DLGAP2: variants seen among roughly 807,000 people sequenced by gnomAD.
DLGAP2 encodes the protein DLG associated protein 2, also known as disks large-associated protein 2.
DLGAP2 carries 26 observed loss-of-function variants against 100.3 expected under a neutral mutation model. The observed-to-expected ratio is 0.26, with a 90% CI of 0.19 to 0.36. The LOEUF is 0.36. Among genes scored for constraint, DLGAP2 ranks in the 10% least tolerant of loss-of-function variants. The pLI, the probability that DLGAP2 is intolerant of heterozygous loss-of-function variation, is 1.00. For missense variants in DLGAP2, 1,858 were observed against 1,453.2 expected, an observed-to-expected ratio of 1.28 and a Z score of -4.53; for synonymous variants, 886 against 630.1, an observed-to-expected ratio of 1.41 and a Z score of -6.08.
intron 1 of DLGAP2, among the ~76,000 whole-genome samples, chr8:769,689 G>C (rs558744484): frequency 6.6e-6 from 1 of 152,238 alleles, no homozygotes; most frequent in East Asian, 1.9e-4. Flanking sequence ...ACGGTAGCTT[G>C]GGTTAGGGGC....
intron 3 of DLGAP2, among the ~76,000 whole-genome samples, chr8:1,417,880 A>G (rs540930817): frequency 3.3e-5 from 5 of 152,244 alleles, no homozygotes; most frequent in Non-Finnish European, 5.9e-5. Context: ...TCACAACACA[A>G]AAGTGCAGTT....
chr8:1,416,976 A>G (rs4297058), intron 3 of DLGAP2, among the ~76,000 whole-genome samples: 1 of 152,012 alleles, frequency 6.6e-6, no homozygotes, highest in Non-Finnish European at 1.5e-5. Context: ...CGGCTGTGGC[A>G]TTGAGACTCA....
intron 4 of DLGAP2, among the ~76,000 whole-genome samples, chr8:1,528,724 C>T (rs11136404): frequency 0.15 from 22,498 of 152,084 alleles, 1,794 homozygotes; most frequent in Non-Finnish European, 0.16. Context: ...CAGGCCCTGG[C>T]AGTAAGGAGC....
At chr8:1,523,621 G>T (rs1459066891) in intron 4 of DLGAP2, among the ~76,000 whole-genome samples, 1 of 152,334 alleles carries the variant, frequency 6.6e-6, no homozygotes, top group Non-Finnish European at 1.5e-5. Flanking sequence ...CTCTGGATCT[G>T]CAGGGCAGGG....
intron 2 of DLGAP2, among the ~76,000 whole-genome samples, chr8:966,712 G>A (rs1799880847): frequency 6.6e-6 from 1 of 152,090 alleles, no homozygotes; most frequent in South Asian, 2.1e-4. Flanking sequence ...TTTTACATCT[G>A]GGTTTATTCA....
At chr8:1,663,360 A>C (rs1798462554) in intron 8 of DLGAP2, among the ~76,000 whole-genome samples, 1 of 152,054 alleles carries the variant, frequency 6.6e-6, no homozygotes, top group African/African-American at 2.4e-5. Flanking sequence ...GGAGTCGGCC[A>C]GTGCTGTTTG....
chr8:869,495 CTCTT>C (rs1797558265), intron 1 of DLGAP2, among the ~76,000 whole-genome samples: 1 of 152,178 alleles, frequency 6.6e-6, no homozygotes, highest in African/African-American at 2.4e-5. Flanking sequence ...AAATAGACGT[CTCTT>C]TATTTTACTC....
At chr8:1,048,111 G>A (rs1281281894) in intron 2 of DLGAP2, among the ~76,000 whole-genome samples, 1 of 152,164 alleles carries the variant, frequency 6.6e-6, no homozygotes, top group African/African-American at 2.4e-5. Flanking sequence ...CCTTGTGAGA[G>A]TTGTTCAACT....
intron 2 of DLGAP2, among the ~76,000 whole-genome samples, chr8:1,037,494 C>T (rs1802167883): frequency 6.6e-6 from 1 of 152,118 alleles, no homozygotes; most frequent in Admixed American, 6.5e-5. Flanking sequence ...GGCAGTGCTG[C>T]CTTCACCTGT....
At chr8:1,219,886 T>A (rs1798283739) in intron 2 of DLGAP2, among the ~76,000 whole-genome samples, 1 of 152,124 alleles carries the variant, frequency 6.6e-6, no homozygotes, top group South Asian at 2.1e-4. Context: ...CTAGGTTTTT[T>A]AGTTTGTGTG....
At chr8:1,222,387 C>T (rs1413950337) in intron 2 of DLGAP2, among the ~76,000 whole-genome samples, 1 of 152,172 alleles carries the variant, frequency 6.6e-6, no homozygotes, top group African/African-American at 2.4e-5. Flanking sequence ...CATGCTCTAA[C>T]CCTGGGGGGC....
chr8:1,214,936 A>C (rs973321565), intron 2 of DLGAP2, among the ~76,000 whole-genome samples: 2 of 152,242 alleles, frequency 1.3e-5, no homozygotes, highest in Admixed American at 6.5e-5. Flanking sequence ...GCTGAAACAC[A>C]CTAGAACATG....
chr8:899,522 T>G (rs1351547290), intron 1 of DLGAP2, among the ~76,000 whole-genome samples: 1 of 152,234 alleles, frequency 6.6e-6, no homozygotes, highest in Non-Finnish European at 1.5e-5. Context: ...CTGGCCTCTC[T>G]GGCTGTGTGT....
intron 2 of DLGAP2, among the ~76,000 whole-genome samples, chr8:965,886 TCAC>T (rs1275335924): frequency 6.6e-6 from 1 of 152,084 alleles, no homozygotes; most frequent in Non-Finnish European, 1.5e-5. Flanking sequence ...ACAGCGCTGT[TCAC>T]CACCGCATGT....
intron 1 of DLGAP2, among the ~76,000 whole-genome samples, chr8:763,057 G>A (rs1237767790): frequency 4.6e-5 from 7 of 151,850 alleles, no homozygotes; most frequent in Admixed American, 2.6e-4. Context: ...TATTCAAAGA[G>A]GGATTGGAGA....
chr8:1,575,465 T>G (rs1563231236), intron 6 of DLGAP2, among the ~76,000 whole-genome samples: 1 of 148,102 alleles, frequency 6.8e-6, no homozygotes, highest in Non-Finnish European at 1.5e-5. Context: ...TTTATTATTA[T>G]TATTATTATT....
intron 2 of DLGAP2, among the ~76,000 whole-genome samples, chr8:979,133 C>G (rs570789055): frequency 1.3e-5 from 2 of 152,242 alleles, no homozygotes; most frequent in African/African-American, 4.8e-5. Context: ...GTTCTTGAAT[C>G]CAGGTGAGCT....
intron 3 of DLGAP2, among the ~76,000 whole-genome samples, chr8:1,283,211 C>G (rs1799855458): frequency 6.7e-6 from 1 of 149,750 alleles, no homozygotes; most frequent in African/African-American, 2.5e-5. Context: ...GTGGTGTGAC[C>G]TGAACCCAGC....
intron 3 of DLGAP2, among the ~76,000 whole-genome samples, chr8:1,460,940 G>T (rs1450541607): frequency 6.6e-6 from 1 of 152,206 alleles, no homozygotes; most frequent in Non-Finnish European, 1.5e-5. Flanking sequence ...ATAAACACAA[G>T]GGTACCATTT....
Sources: allele counts gnomAD v4.1 joint callset (sites outside exome capture counted in the v4.1 genomes callset), GRCh38; gene constraint gnomAD v4.1.1; transcripts MANE v1.5; gene names NCBI Gene and HGNC (gene_info 2026-07-23, HGNC 2026-07-21).